Variants in ADAM33 observed in about 807,000 individuals in gnomAD.
ADAM33 encodes ADAM metallopeptidase domain 33, also known as disintegrin and metalloproteinase domain-containing protein 33.
A neutral mutation model predicts 106.2 loss-of-function variants in ADAM33; 103 were observed. The ratio of observed to expected loss-of-function variants is 0.97; its 90% CI spans 0.83 to 1.14. The LOEUF is 1.14. Among genes scored for constraint, ADAM33 ranks in the 50% most tolerant of loss-of-function variants. The pLI is 0.00. For missense variants in ADAM33, 1,120 were observed against 1,096.6 expected, an observed-to-expected ratio of 1.02 and a Z score of -0.30; for synonymous variants, 483 against 453.0, an observed-to-expected ratio of 1.07 and a Z score of -0.84.
intron 19 of ADAM33, 176 bp from the exon 20 acceptor site, chr20:3,669,813 T>C (rs1369951025): frequency 2.8e-6 from 2 of 710,360 alleles, no homozygotes; most frequent in South Asian, 3.0e-5. Context: ...AGGGGAGCCT[T>C]GGGATCCAGG....
Position 3,672,510 on chromosome 20 carries a change from C to A in ADAM33, c.1401+27G>T, listed in dbSNP as rs2087609837. ...GCCGGCTCCCAAGCTCCCCGAAACC[C>A]TCACCCTGAACCTTCCATGCCCTCA... On this transcript the variant is annotated intron_variant, in intron 13 of 21. Coordinates refer to ENST00000356518, the MANE Select transcript of ADAM33 (RefSeq NM_025220.5). The A allele has an allele frequency of 3.1e-6, 5 of 1,607,118 alleles. No individual in the cohort carries two copies. The East Asian group carries it at 1.1e-4, about 36-fold the overall frequency.
In ADAM33 at chr20:3,671,712, G is replaced by A. The variant is rs1236878819; in HGVS notation, c.1774C>T (p.Pro592Ser). 1.9e-6 allele frequency: 3 copies of A among 1,586,366 alleles called. No homozygotes were observed. In the African/African-American group the frequency reaches 4.0e-5, roughly 21 times the overall value. Reference sequence around the variant, plus strand: ...TCTAGGTGAACGGTAGAGTCCACTGGCACCATGTGCGGTGCGAGCAGGCTG... The same window carrying A: ...TCTAGGTGAACGGTAGAGTCCACTGACACCATGTGCGGTGCGAGCAGGCTG... ...KPSLLAPHMV[P>S]VDSTVHLDGQ... Residue 592 changes from proline to serine, a missense_variant, in exon 16 of 22, where the codon CCA becomes TCA. By Grantham distance (74) the Pro-to-Ser change is moderately conservative. Transcript: ENST00000356518.
In ADAM33 at chr20:3,681,977, C is replaced by G. The variant is rs1408482359; in HGVS notation, c.28G>C (p.Gly10Arg). 1.9e-6 allele frequency: 3 copies of G among 1,543,106 alleles called. No individual in the cohort carries two copies. Among genetic ancestry groups the G allele is most frequent in the Non-Finnish European group, 2.6e-6 (3 of 1,144,550 alleles). The change falls in exon 1 of 22, where the codon GGG becomes CGG. Residue 10 changes from glycine to arginine, a missense_variant. By Grantham distance (125) the Gly-to-Arg change is moderately radical. Transcript: ENST00000356518. MGWRPRRARGTPLLLLLLLL... is the reference protein window; with the variant it reads MGWRPRRARRTPLLLLLLLL... ...AGTAGCAGCAGCAGCAACGGGGTCC[C>G]CCGAGCTCTCCGGGGCCTCCAGCCC... is the stretch of plus-strand genomic sequence containing the variant.
At chr20:3,669,760 C>T (rs1371009043) in intron 19 of ADAM33, 123 bp from the exon 20 acceptor site, 1 of 888,570 alleles carries the variant, frequency 1.1e-6, no homozygotes, top group South Asian at 1.4e-5. Context: ...GGGCACCCAT[C>T]TGCTCCAAGT....
chr20:3,669,673 A>G (rs2087401674), intron 19 of ADAM33, 36 bp from the exon 20 acceptor site: 1 of 1,550,174 alleles, frequency 6.5e-7, no homozygotes, highest in African/African-American at 1.4e-5. Flanking sequence ...AGGTTGGCAC[A>G]GTGATCCTGA....
chr20:3,675,454 C>A lies in ADAM33; in HGVS notation c.255-349G>T, dbSNP rs1189839098. 1.3e-5 allele frequency among the ~76,000 whole-genome samples: 2 copies of A among 152,086 alleles called. No homozygotes were observed. Among genetic ancestry groups the A allele is most frequent in the Non-Finnish European group, 2.9e-5 (2 of 68,014 alleles). ...GGAGGGGAGGAGTCAGGAGACACTG[C>A]CGAAGAATGGGACTTGGAGTTGGGG... On this transcript the variant is annotated intron_variant, in intron 3 of 21. Transcript: ENST00000356518. This position sits in a 1 kb window ranked among gnomAD's most constrained non-coding sequence, Gnocchi z 4.1.
At chr20:3,672,970 C>T in intron 11 of ADAM33, 72 bp from the exon 12 acceptor site, 1 of 1,453,690 alleles carries the variant, frequency 6.9e-7, no homozygotes, top group Non-Finnish European at 9.0e-7. Context: ...GATCCCCACC[C>T]CTGGGCTTGG....
rs1481661426 is a variant in ADAM33, at chr20:3,671,785, GA to G, written c.1707-7del. The G allele has an allele frequency of 6.4e-7, 1 of 1,557,234 alleles. No homozygotes were observed. Among genetic ancestry groups the G allele is most frequent in the African/African-American group, 1.4e-5 (1 of 73,450 alleles). Reference sequence around the variant, plus strand: ...GCTTCCCACACAGGGCATCCCTGGGGAGGAAGTAGAGGGGGGTCAACAGCTG... The same window carrying G: ...GCTTCCCACACAGGGCATCCCTGGGGGGAAGTAGAGGGGGGTCAACAGCTG... On this transcript the variant is annotated splice_region_variant and splice_polypyrimidine_tract_variant and intron_variant, in intron 15 of 21. Transcript: ENST00000356518.
chr20:3,671,537 G>A (rs1169811609), intron 16 of ADAM33, 41 bp from the exon 17 acceptor site: 1 of 1,610,890 alleles, frequency 6.2e-7, no homozygotes, highest in East Asian at 2.2e-5. Flanking sequence ...ACACTGGCCT[G>A]CGGGATTCAA....
chr20:3,672,748 G>A lies in ADAM33; in HGVS notation c.1284C>T (p.Gly428=). 6.4e-7 allele frequency: 1 copy of A among 1,568,348 alleles called. No homozygotes were observed. The highest frequency in any genetic ancestry group is 8.6e-7 in the Non-Finnish European group (1 of 1,156,812). Reference sequence around the variant, plus strand: ...GGCCAGGGCCGCAGTCACACTCCTCGCCCGCTTCCACGAAGCCGTTCCCGC... The same window carrying A: ...GGCCAGGGCCGCAGTCACACTCCTCACCCGCTTCCACGAAGCCGTTCCCGC... The part of the protein sequence containing the change: ...ALCGNGFVEA[G]EECDCGPGQE... Residue 428 remains glycine, a synonymous_variant, in exon 12 of 22, where the codon GGC becomes GGT. Coordinates refer to ENST00000356518, the MANE Select transcript of ADAM33 (RefSeq NM_025220.5).
intron 13 of ADAM33, 78 bp from the exon 14 acceptor site, chr20:3,672,407 G>A: frequency 6.3e-7 from 1 of 1,577,214 alleles, no homozygotes; most frequent in East Asian, 2.2e-5. Context: ...GCGCGGCTCG[G>A]AGCTGGGGGA....
In ADAM33 at chr20:3,671,022, C is replaced by T; in HGVS notation, c.2224G>A (p.Asp742Asn). 3 of 1,551,958 alleles carry T rather than the reference C, an allele frequency of 1.9e-6. No individual in the cohort carries two copies. The highest frequency in any genetic ancestry group is 2.6e-6 in the Non-Finnish European group (3 of 1,148,632). Reference protein sequence around the residue: ...LQRCSWGCRRDPACSGPKDGP... With the variant: ...LQRCSWGCRRNPACSGPKDGP... ...GGAGCCTACCCACTGCACGCAGGGT[C>T]CCTTCTGCAGCCCCAGCTGCATCGC... The change falls in exon 19 of 22, where the codon GAC (aspartate) becomes AAC (asparagine). Residue 742 changes from aspartate to asparagine, a missense_variant. Asp to Asn is a conservative substitution (Grantham distance 23). Coordinates refer to ENST00000356518, the MANE Select transcript of ADAM33 (RefSeq NM_025220.5).
intron 1 of ADAM33, among the ~76,000 whole-genome samples, chr20:3,680,637 A>T (rs980112792): frequency 9.9e-5 from 15 of 151,958 alleles, no homozygotes; most frequent in Non-Finnish European, 2.1e-4. Context: ...CTCTGAGTGG[A>T]TGTGGGGGAG....
Position 3,675,384 on chromosome 20 carries a change from T to C in ADAM33, c.255-279A>G, listed in dbSNP as rs2087875633. Among the ~76,000 whole-genome samples, 1 of 152,050 alleles carries C rather than the reference T, an allele frequency of 6.6e-6. No homozygotes were observed. Among genetic ancestry groups the C allele is most frequent in the South Asian group, 2.1e-4 (1 of 4,828 alleles). On this transcript the variant is annotated intron_variant, in intron 3 of 21. Transcript: ENST00000356518. This position sits in a 1 kb window ranked among gnomAD's most constrained non-coding sequence, Gnocchi z 4.1. ...GGAGTGGGAATAGGGGAAGAGTTTGTGGTTCCCAGGGGACCTGCAGCAGGC... is the reference window on the plus strand; with the variant it reads ...GGAGTGGGAATAGGGGAAGAGTTTGCGGTTCCCAGGGGACCTGCAGCAGGC...
Position 3,673,515 on chromosome 20 carries a change from G to C in ADAM33, c.991-19C>G, listed in dbSNP as rs2087706200. The stretch of plus-strand genomic sequence containing the variant: ...AGTGGTCCTGGGGGGCCGTGGGAGG[G>C]CGGTCACTGCGGCCGTAGAGCCTCC... On this transcript the variant is annotated intron_variant, in intron 10 of 21. Coordinates refer to ENST00000356518, the MANE Select transcript of ADAM33 (RefSeq NM_025220.5). 1.4e-6 allele frequency: 2 copies of C among 1,469,264 alleles called. No individual in the cohort carries two copies. Among genetic ancestry groups the C allele is most frequent in the Non-Finnish European group, 1.8e-6 (2 of 1,118,512 alleles). The allele number at this position is 1,469,264 out of a possible 1,614,324, so 91.0% of individuals were successfully genotyped here. A position where few individuals can be genotyped will look rare whatever the true frequency, so the allele number is the denominator to read the frequency against.
chr20:3,672,410 C>T, intron 13 of ADAM33, 81 bp from the exon 14 acceptor site: 1 of 1,577,124 alleles, frequency 6.3e-7, no homozygotes, highest in South Asian at 1.2e-5. Context: ...CGGCTCGGAG[C>T]TGGGGGAGCC....
Position 3,668,841 on chromosome 20 carries a change from C to G in ADAM33, c.*122G>C, listed in dbSNP as rs879597249. On this transcript the variant is annotated 3_prime_UTR_variant, in exon 22 of 22. Transcript: ENST00000356518. ...GAAGCTCCACTCGGGGAAGAAACTT[C>G]CAAGCTGCCTGCAGGTGCTGGAGGT... is the stretch of plus-strand genomic sequence containing the variant. 2 of 1,247,824 alleles carry G rather than the reference C, an allele frequency of 1.6e-6. No individual in the cohort carries two copies. The highest frequency in any genetic ancestry group is 3.4e-5 in the Admixed American group (2 of 59,050). The allele number at this position is 1,247,824 out of a possible 1,614,324, so 77.3% of individuals were successfully genotyped here. A position where few individuals can be genotyped will look rare whatever the true frequency, so the allele number is the denominator to read the frequency against.
intron 13 of ADAM33, 90 bp downstream of exon 13, chr20:3,672,447 G>A: frequency 2.5e-6 from 4 of 1,580,222 alleles, no homozygotes; most frequent in South Asian, 2.3e-5. Flanking sequence ...AGCACCCAAC[G>A]GGGGAACCTG....
intron 3 of ADAM33, among the ~76,000 whole-genome samples, chr20:3,676,561 C>G (rs868446400): frequency 6.6e-4 from 100 of 152,120 alleles, no homozygotes; most frequent in African/African-American, 2.4e-3. Flanking sequence ...GTCTCAGCCC[C>G]CTAAGTAGCT....
Sources: gnomAD v4.1 joint callset for allele counts (sites outside exome capture counted in the v4.1 genomes callset) on GRCh38, gnomAD v4.1.1 for gene constraint, Gnocchi (gnomAD v3.1) non-coding constraint, MANE v1.5 for transcripts, NCBI Gene and HGNC (gene_info 2026-07-23, HGNC 2026-07-21) for gene names.